The following PGAP3 variants were observed in gnomAD, a reference collection of about 807,000 sequenced individuals.
PGAP3 encodes the protein post-GPI attachment to proteins phospholipase 3.
PGAP3 carries 31 observed loss-of-function variants against 40.3 expected under a neutral mutation model. That is an observed-to-expected ratio of 0.77 (90% CI 0.58 to 1.04). The LOEUF (loss-of-function observed/expected upper bound fraction) is 1.04, where lower values mean the gene tolerates loss of function less well. PGAP3 is among the 50% of genes least tolerant of loss of function. The probability of loss-of-function intolerance (pLI) is 0.00; values close to 1 mark genes in which losing one functional copy is unlikely to be tolerated. For missense variants in PGAP3, 413 were observed against 423.0 expected, an observed-to-expected ratio of 0.98 and a Z score of 0.21; for synonymous variants, 191 against 184.5, an observed-to-expected ratio of 1.04 and a Z score of -0.29.
At chr17:39,673,898 G>A (rs2057342388) in intron 5 of PGAP3, 95 bp downstream of exon 5, 5 of 1,442,226 alleles carry the variant, frequency 3.5e-6, no homozygotes, top group Non-Finnish European at 3.8e-6. Flanking sequence ...TAGGTGTTGG[G>A]AGACTAGTGA....
In PGAP3 at chr17:39,673,998, G is replaced by A. The variant is rs147768703; in HGVS notation, c.552C>T (p.Cys184=). The stretch of plus-strand genomic sequence containing the variant: ...AGCCACCCAGGCAGGCTCACCTGAC[G>A]CAGCACAGGTAGATTGAGTGTAGGA... ...TVILHSIYLC[C]VRTVGLQHPA... is the part of the protein sequence containing the mutation. The change falls in exon 5 of 8, where the codon TGC becomes TGT. Residue 184 remains cysteine, a synonymous_variant. Transcript: ENST00000300658. 1,146 of 1,613,876 alleles carry A rather than the reference G, an allele frequency of 7.1e-4. 8 individuals carry two copies. The highest frequency in any genetic ancestry group is 4.0e-3 in the East Asian group (181 of 44,884).
intron 3 of PGAP3, among the ~76,000 whole-genome samples, chr17:39,682,704 T>C (rs1165119525): frequency 1.3e-5 from 2 of 152,136 alleles, no homozygotes; most frequent in African/African-American, 4.8e-5. Flanking sequence ...CTTCAATCTG[T>C]TCTCTACACA....
chr17:39,676,883 C>G (rs181814240), intron 3 of PGAP3: 1 of 152,408 alleles, frequency 6.6e-6, no homozygotes, highest in Non-Finnish European at 1.5e-5. Flanking sequence ...CACAGAACCC[C>G]GTCAGCTTCC....
Position 39,685,848 on chromosome 17 carries a change from A to G in PGAP3, c.279+74T>C, listed in dbSNP as rs2145146772. The G allele has an allele frequency of 2.2e-6, 3 of 1,348,918 alleles. No individual in the cohort carries two copies. In the South Asian group the frequency reaches 3.6e-5, roughly 16 times the overall value. The allele number at this position is 1,348,918 out of a possible 1,614,324, so 83.6% of individuals were successfully genotyped here. A position where few individuals can be genotyped will look rare whatever the true frequency, so the allele number is the denominator to read the frequency against. Reference sequence around the variant, plus strand: ...ACCCCATGCCTCAGACTGCTTGGACAGTGTGGTCCAACCAGGGGGTATATT... The same window carrying G: ...ACCCCATGCCTCAGACTGCTTGGACGGTGTGGTCCAACCAGGGGGTATATT... On this transcript the variant is annotated intron_variant, in intron 2 of 7. Coordinates refer to ENST00000300658, the MANE Select transcript of PGAP3 (RefSeq NM_033419.5).
rs146315241 is a variant in PGAP3, at chr17:39,685,964, G to A, written c.237C>T (p.Leu79=). ...KYECMWVTVG[L]YLQEGHKVPQ... is the part of the protein sequence containing the mutation. Reference sequence around the variant, plus strand: ...GCACTTTGTGACCTTCCTGGAGGTAGAGCCCAACGGTGACCCACATACACT... The same window carrying A: ...GCACTTTGTGACCTTCCTGGAGGTAAAGCCCAACGGTGACCCACATACACT... Residue 79 remains leucine, a synonymous_variant, in exon 2 of 8, where the codon CTC becomes CTT. Coordinates refer to ENST00000300658, the MANE Select transcript of PGAP3 (RefSeq NM_033419.5). The A allele has an allele frequency of 2.5e-6, 4 of 1,613,518 alleles. No homozygotes were observed. The highest frequency in any genetic ancestry group is 1.7e-5 in the Admixed American group (1 of 59,994).
chr17:39,673,831 C>G lies in PGAP3; in HGVS notation c.557+162G>C, dbSNP rs557229178. 66 of 1,194,570 alleles carry G rather than the reference C, an allele frequency of 5.5e-5. 1 individual carries two copies. In the African/African-American group the frequency reaches 9.2e-4, roughly 17 times the overall value. 74.0% of individuals were successfully genotyped at this position (1,194,570 alleles called of 1,614,324 possible). A position where few individuals can be genotyped will look rare whatever the true frequency, so the allele number is the denominator to read the frequency against. The stretch of plus-strand genomic sequence containing the variant: ...GCTCCTTGTCAGGAGCCAGGGCCCC[C>G]AGTCCTACCCCAGAGTCCTCACCCA... On this transcript the variant is annotated intron_variant, in intron 5 of 7. Transcript: ENST00000300658.
At position 39,673,560 on chromosome 17, in the gene PGAP3, G is replaced by A; in HGVS notation, c.648C>T (p.Leu216=). The change falls in exon 6 of 8, where the codon CTC becomes CTT. Residue 216 remains leucine, a synonymous_variant. Coordinates refer to ENST00000300658, the MANE Select transcript of PGAP3 (RefSeq NM_033419.5). ...GGTTGTAGCCATAGTCGAAGCGGAT[G>A]AGGCTCAGGTAGGAGACGTGCACGG... ...MLTVHVSYLS[L]IRFDYGYNLV... 1.2e-6 allele frequency: 2 copies of A among 1,614,150 alleles called. No homozygotes were observed. Among genetic ancestry groups the A allele is most frequent in the Non-Finnish European group, 1.7e-6 (2 of 1,180,024 alleles).
rs1597827947 is a variant in PGAP3 at position 39,685,950 on chromosome 17, C to T, written c.251G>A (p.Gly84Asp). Residue 84 changes from glycine (G) to aspartate (D), a missense_variant, in exon 2 of 8, where the codon GGT becomes GAT. Gly to Asp is a moderately conservative substitution (Grantham distance 94). Coordinates refer to ENST00000300658, the MANE Select transcript of PGAP3 (RefSeq NM_033419.5). ...WVTVGLYLQEGHKVPQFHGKW... is the reference protein window; with the variant it reads ...WVTVGLYLQEDHKVPQFHGKW... ...GCCATGGAACTGAGGCACTTTGTGACCTTCCTGGAGGTAGAGCCCAACGGT... is the reference window on the plus strand; with the variant it reads ...GCCATGGAACTGAGGCACTTTGTGATCTTCCTGGAGGTAGAGCCCAACGGT... The T allele has an allele frequency of 2.5e-6, 4 of 1,613,454 alleles. No individual in the cohort carries two copies. Among genetic ancestry groups the T allele is most frequent in the Non-Finnish European group, 8.5e-7 (1 of 1,179,552 alleles).
chr17:39,678,626 A>T (rs1474220162), intron 3 of PGAP3, among the ~76,000 whole-genome samples: 1 of 152,094 alleles, frequency 6.6e-6, no homozygotes, highest in African/African-American at 2.4e-5. Context: ...CGGGTGAGGG[A>T]CCTTGCCTTC....
intron 2 of PGAP3, 147 bp from the exon 3 acceptor site, chr17:39,684,896 T>A: frequency 1.0e-6 from 1 of 965,546 alleles, no homozygotes; most frequent in Non-Finnish European, 1.5e-6. Context: ...CAGTACCTCT[T>A]CAGACTAATG....
chr17:39,672,978 C>G lies in PGAP3; in HGVS notation c.899+73G>C. ...GAGGGGGCGGATGGGCACACAGAGC[C>G]CCCAATCTCCCCTAAGGAGTGGGCA... On this transcript the variant is annotated intron_variant, in intron 7 of 7. Coordinates refer to ENST00000300658, the MANE Select transcript of PGAP3 (RefSeq NM_033419.5). 1.9e-6 allele frequency: 3 copies of G among 1,576,762 alleles called. No homozygotes were observed. The South Asian group carries it at 3.4e-5, about 18-fold the overall frequency.
chr17:39,687,872 T>C lies in PGAP3; in HGVS notation c.143A>G (p.His48Arg), dbSNP rs1240853735. 1.3e-6 allele frequency: 2 copies of C among 1,498,426 alleles called. No homozygotes were observed. The highest frequency in any genetic ancestry group is 1.4e-5 in the African/African-American group (1 of 70,878). 92.8% of individuals were successfully genotyped at this position (1,498,426 alleles called of 1,614,324 possible). A position where few individuals can be genotyped will look rare whatever the true frequency, so the allele number is the denominator to read the frequency against. ...GTAGATTGGCTGGCGGGAGCGGAAG[T>C]GATTCAGAGCGCCCCCAGAGCAGTT... ...EQNCSGGALNHFRSRQPIYMS... is the reference protein window; with the variant it reads ...EQNCSGGALNRFRSRQPIYMS... Residue 48 changes from histidine to arginine, a missense_variant, in exon 1 of 8, where the codon CAC becomes CGC. Coordinates refer to ENST00000300658, the MANE Select transcript of PGAP3 (RefSeq NM_033419.5).
intron 2 of PGAP3, 48 bp from the exon 3 acceptor site, chr17:39,684,797 A>G (rs1174159362): frequency 3.3e-6 from 5 of 1,512,668 alleles, no homozygotes; most frequent in South Asian, 2.6e-5. Flanking sequence ...GCAACCCTCA[A>G]CTGGCCCAGT....
chr17:39,676,140 C>A (rs556870927), intron 3 of PGAP3, among the ~76,000 whole-genome samples: 1 of 152,330 alleles, frequency 6.6e-6, no homozygotes, highest in South Asian at 2.1e-4. Flanking sequence ...CTGGTGGCTT[C>A]TCAGACACTG....
chr17:39,673,625 C>G lies in PGAP3; in HGVS notation c.583G>C (p.Val195Leu). 1 of 1,614,114 alleles carries G rather than the reference C, an allele frequency of 6.2e-7. No individual in the cohort carries two copies. The highest frequency in any genetic ancestry group is 1.7e-5 in the Admixed American group (1 of 60,022). ...VRTVGLQHPA[V>L]VSAFRALLLL... ...AGGAGAGCCCGGAAGGCACTGACCA[C>G]AGCTGGGTGCTGCAGCCCCACGGTC... The change falls in exon 6 of 8, where the codon GTG (valine) becomes CTG (leucine). Residue 195 changes from valine (V) to leucine (L), a missense_variant. Transcript: ENST00000300658.
intron 2 of PGAP3, 31 bp from the exon 3 acceptor site, chr17:39,684,780 AG>A: frequency 6.5e-7 from 1 of 1,545,282 alleles, no homozygotes; most frequent in South Asian, 1.2e-5. Flanking sequence ...GGAGGTTTGA[AG>A]GGCAGGCAAC....
At chr17:39,672,901 A>G (rs762229220) in intron 7 of PGAP3, 35 bp from the exon 8 acceptor site, 2 of 1,606,562 alleles carry the variant, frequency 1.2e-6, no homozygotes, top group South Asian at 1.1e-5. Context: ...TGAGGCACAC[A>G]GCTCTGACAG....
intron 3 of PGAP3, among the ~76,000 whole-genome samples, chr17:39,675,562 G>A (rs551910199): frequency 5.9e-5 from 9 of 152,252 alleles, no homozygotes; most frequent in Non-Finnish European, 7.4e-5. Flanking sequence ...GGAGGGATGC[G>A]CTAGGGTGGG....
In PGAP3 at chr17:39,685,976, G is replaced by T; in HGVS notation, c.225C>A (p.Val75=). The T allele has an allele frequency of 6.2e-7, 1 of 1,613,466 alleles. No individual in the cohort carries two copies. Among genetic ancestry groups the T allele is most frequent in the South Asian group, 1.1e-5 (1 of 91,022 alleles). The part of the protein sequence containing the change: ...RDDCKYECMW[V]TVGLYLQEGH... ...CTTCCTGGAGGTAGAGCCCAACGGT[G>T]ACCCACATACACTCATACTTACAGT... The change falls in exon 2 of 8, where the codon GTC becomes GTA. Residue 75 remains valine, a synonymous_variant. Coordinates refer to ENST00000300658, the MANE Select transcript of PGAP3 (RefSeq NM_033419.5).
Sources: allele counts gnomAD v4.1 joint callset (sites outside exome capture counted in the v4.1 genomes callset), GRCh38; gene constraint gnomAD v4.1.1; transcripts MANE v1.5; gene names NCBI Gene and HGNC (gene_info 2026-07-23, HGNC 2026-07-21).